Variants in DOCK11 observed in about 807,000 individuals in gnomAD.
DOCK11 encodes the protein dedicator of cytokinesis protein 11.
Under a neutral mutation model 169.1 loss-of-function variants are expected in DOCK11, and 70 were observed. The ratio of observed to expected loss-of-function variants is 0.41; its 90% CI spans 0.34 to 0.51. The LOEUF is 0.51. Ranked by LOEUF, DOCK11 falls within the 20% of genes least tolerant of loss-of-function variation. The probability of loss-of-function intolerance (pLI) is 0.10; values close to 1 mark genes in which losing one functional copy is unlikely to be tolerated. For synonymous variants in DOCK11, 529 were observed against 541.3 expected, an observed-to-expected ratio of 0.98 and a Z score of 0.32; for missense variants, 1,166 against 1,538.8, an observed-to-expected ratio of 0.76 and a Z score of 4.05.
At chrX:118,632,535 G>T (rs1401892521) in intron 35 of DOCK11, 1 of 111,376 alleles carries the variant, frequency 9.0e-6, no homozygotes, top group Admixed American at 9.5e-5. Context: ...CTTCTCAATG[G>T]ATGTATTCTA....
chrX:118,668,106 C>G (rs1223305993), intron 45 of DOCK11, among the ~76,000 whole-genome samples: 2 of 111,626 alleles, frequency 1.8e-5, no homozygotes, highest in East Asian at 5.6e-4. Flanking sequence ...TATGCTTTTT[C>G]TCTTTCTCTT....
chrX:118,630,680 A>C (rs1263341924), intron 35 of DOCK11, among the ~76,000 whole-genome samples, 190 bp downstream of exon 35: 1 of 112,458 alleles, frequency 8.9e-6, no homozygotes, highest in African/African-American at 3.2e-5. Context: ...CAGTCACACA[A>C]GTTCGAGTCT....
At chrX:118,581,857 C>T (rs915129384) in intron 14 of DOCK11, among the ~76,000 whole-genome samples, 6 of 82,018 alleles carry the variant, frequency 7.3e-5, no homozygotes. Context: ...ATTGGCCGGC[C>T]ACAGTGGCTC....
intron 48 of DOCK11, among the ~76,000 whole-genome samples, chrX:118,678,516 A>C (rs2016663764): frequency 9.0e-6 from 1 of 110,607 alleles, no homozygotes; most frequent in East Asian, 2.8e-4. Flanking sequence ...TCTGTCACCC[A>C]GGCTGGAGTG....
At position 118,566,100 on chromosome X, in the gene DOCK11, G is replaced by A. The variant is rs1370866029; in HGVS notation, c.789G>A (p.Trp263Ter). Residue 263 changes from tryptophan to a stop codon, truncating the protein, a stop_gained, in exon 8 of 53, where the codon TGG becomes TGA. Coordinates refer to ENST00000276202, the MANE Select transcript of DOCK11 (RefSeq NM_144658.4). LOFTEE classifies it high-confidence loss of function. ...AAETEQEMEE[W>*]LITLKKIIQI... ...AAACTGAGCAGGAAATGGAGGAATG[G>A]TTGATAACTTTGAAAAAGATTATTC... 8.3e-7 allele frequency: 1 copy of A among 1,210,341 alleles called. No individual in the cohort carries two copies. The highest frequency in any genetic ancestry group is 3.0e-5 in the East Asian group (1 of 33,838).
chrX:118,510,776 G>A (rs1430609907), intron 1 of DOCK11, among the ~76,000 whole-genome samples: 1 of 111,860 alleles, frequency 8.9e-6, no homozygotes, highest in African/African-American at 3.3e-5. Flanking sequence ...TGGTCCTTCT[G>A]CATTTTCAAG....
intron 48 of DOCK11, among the ~76,000 whole-genome samples, chrX:118,678,619 C>A (rs974035665): frequency 4.6e-5 from 5 of 108,795 alleles, no homozygotes; most frequent in Admixed American, 9.9e-5. Context: ...ATTACAGTCG[C>A]TCACCACCAC....
chrX:118,652,309 A>G lies in DOCK11; in HGVS notation c.4695+232A>G, dbSNP rs181396756. On this transcript the variant is annotated intron_variant, in intron 42 of 52. Transcript: ENST00000276202. ...TAGTGGATGGATGAATGAATATACT[A>G]TGTATTCATAGTTGTTATGGCAAGT... Among the ~76,000 whole-genome samples the G allele has an allele frequency of 3.6e-5, 4 of 111,430 alleles. No individual in the cohort carries two copies. The East Asian group carries it at 1.1e-3, about 31-fold the overall frequency.
At chrX:118,631,585 T>G (rs921559483) in intron 35 of DOCK11, among the ~76,000 whole-genome samples, 1 of 111,744 alleles carries the variant, frequency 8.9e-6, no homozygotes, top group African/African-American at 3.3e-5. Flanking sequence ...TATTGTAATA[T>G]TGTGGGCTAT....
chrX:118,542,578 CTA>C, intron 1 of DOCK11, 145 bp from the exon 2 acceptor site: 1 of 473,834 alleles, frequency 2.1e-6, no homozygotes, highest in Non-Finnish European at 3.7e-6. Flanking sequence ...GCTATGAAGA[CTA>C]TTTCTCTTGT....
chrX:118,605,301 T>C lies in DOCK11; in HGVS notation c.2626T>C (p.Phe876Leu). 1 of 1,203,606 alleles carries C rather than the reference T, an allele frequency of 8.3e-7. No homozygotes were observed. Among genetic ancestry groups the C allele is most frequent in the African/African-American group, 1.7e-5 (1 of 57,629 alleles). ...TCTACCTGTAATTCTTATGCAACTC[T>C]TCCGAGTTCTCACAAATATGACCCA... Reference protein sequence around the residue: ...QFLPVILMQLFRVLTNMTHED... With the variant: ...QFLPVILMQLLRVLTNMTHED... The change falls in exon 24 of 53, where the codon TTC becomes CTC. Residue 876 changes from phenylalanine to leucine, a missense_variant. Physicochemically the swap from Phe to Leu is conservative, Grantham distance 22 (BLOSUM62 0). Coordinates refer to ENST00000276202, the MANE Select transcript of DOCK11 (RefSeq NM_144658.4).
At chrX:118,529,065 C>G (rs1049570853) in intron 1 of DOCK11, among the ~76,000 whole-genome samples, 1 of 108,852 alleles carries the variant, frequency 9.2e-6, no homozygotes, top group African/African-American at 3.4e-5. Flanking sequence ...CTCACTGCAA[C>G]CTCCGCCTCC....
At chrX:118,655,081 C>A in intron 44 of DOCK11, 120 bp downstream of exon 44, 1 of 649,732 alleles carries the variant, frequency 1.5e-6, no homozygotes, top group Non-Finnish European at 2.3e-6. Flanking sequence ...TCACCCTTGG[C>A]CTTATTCAGT....
chrX:118,561,490 C>T lies in DOCK11; in HGVS notation c.666C>T (p.Tyr222=). The change falls in exon 7 of 53, where the codon TAC becomes TAT. Residue 222 remains tyrosine (Y), a synonymous_variant. Coordinates refer to ENST00000276202, the MANE Select transcript of DOCK11 (RefSeq NM_144658.4). The part of the protein sequence containing the change: ...KNSKESKGCI[Y]LDACIDVVQC... Reference sequence around the variant, plus strand: ...CAAAAGAATCGAAAGGTTGCATCTACTTGGACGCCTGCATTGATGTTGTTC... The same window carrying T: ...CAAAAGAATCGAAAGGTTGCATCTATTTGGACGCCTGCATTGATGTTGTTC... 8.3e-7 allele frequency: 1 copy of T among 1,202,918 alleles called. No homozygotes were observed. The highest frequency in any genetic ancestry group is 1.8e-5 in the South Asian group (1 of 54,916).
intron 12 of DOCK11, among the ~76,000 whole-genome samples, chrX:118,574,363 C>T (rs762720311): frequency 4.5e-5 from 5 of 111,079 alleles, no homozygotes; most frequent in South Asian, 3.8e-4. Context: ...GTCAAGAGTT[C>T]GAGACCAGCC....
intron 6 of DOCK11, among the ~76,000 whole-genome samples, chrX:118,552,949 C>T (rs1201329871): frequency 9.0e-6 from 1 of 111,328 alleles, no homozygotes; most frequent in African/African-American, 3.3e-5. Context: ...GTGCAGTGAA[C>T]ATTTAGCACT....
chrX:118,522,274 G>T (rs145369554), intron 1 of DOCK11, among the ~76,000 whole-genome samples: 2,052 of 110,195 alleles, frequency 0.019, 16 homozygotes, highest in Non-Finnish European at 0.029. Context: ...GAGTGATATT[G>T]CACCACTGCA....
chrX:118,654,857 C>T (rs1165131953), intron 43 of DOCK11, 40 bp downstream of exon 43: 1 of 1,205,377 alleles, frequency 8.3e-7, no homozygotes, highest in Non-Finnish European at 1.1e-6. Flanking sequence ...CCCTTCAAAA[C>T]ACCTTGAGCA....
chrX:118,641,504 T>C (rs1328603592), intron 39 of DOCK11, among the ~76,000 whole-genome samples, 199 bp downstream of exon 39: 3 of 111,106 alleles, frequency 2.7e-5, no homozygotes, highest in African/African-American at 9.8e-5. Context: ...GGGAAGGGAG[T>C]GGACTAACTT....
Sources: allele counts gnomAD v4.1 joint callset (sites outside exome capture counted in the v4.1 genomes callset), GRCh38; gene constraint gnomAD v4.1.1; transcripts MANE v1.5; gene names NCBI Gene and HGNC (gene_info 2026-07-23, HGNC 2026-07-21).